The following LRRC7 variants were observed in gnomAD, a reference collection of about 807,000 sequenced individuals.
The protein encoded by LRRC7 is leucine rich repeat containing 7.
A neutral mutation model predicts 175.7 loss-of-function variants in LRRC7; 23 were observed. The observed-to-expected ratio is 0.13, with a 90% CI of 0.09 to 0.19. LRRC7 has a LOEUF of 0.19. Ranked by LOEUF, LRRC7 falls within the 10% of genes least tolerant of loss-of-function variation. The probability of loss-of-function intolerance (pLI) is 1.00; values close to 1 mark genes in which losing one functional copy is unlikely to be tolerated. For synonymous variants in LRRC7, 685 were observed against 680.9 expected (o/e 1.01, Z -0.09); for missense variants, 1,354 against 1,904.7 (o/e 0.71, Z 5.38).
At chr1:69,722,063 A>G (rs1666418921) in intron 2 of LRRC7, among the ~76,000 whole-genome samples, 2 of 151,960 alleles carry the variant, frequency 1.3e-5, no homozygotes. Flanking sequence ...CCCTCTCTAG[A>G]GAGAATTAAC....
intron 1 of LRRC7, among the ~76,000 whole-genome samples, chr1:69,666,248 G>A (rs1165722338): frequency 6.6e-6 from 1 of 152,150 alleles, no homozygotes; most frequent in Non-Finnish European, 1.5e-5. Context: ...GCAAATGTTT[G>A]CATGAATATT....
At chr1:69,671,399 T>C (rs1659054791) in intron 1 of LRRC7, among the ~76,000 whole-genome samples, 1 of 152,110 alleles carries the variant, frequency 6.6e-6, no homozygotes, top group South Asian at 2.1e-4. Context: ...CTCTTTTCTT[T>C]CCTCTCCTCA....
chr1:69,573,152 A>G (rs1645806391), intron 1 of LRRC7, among the ~76,000 whole-genome samples: 1 of 152,114 alleles, frequency 6.6e-6, no homozygotes, highest in Non-Finnish European at 1.5e-5. Flanking sequence ...CATGATTCTC[A>G]CTGTTTTGAA....
chr1:69,945,359 A>G (rs183413511), intron 8 of LRRC7, among the ~76,000 whole-genome samples: 15 of 152,110 alleles, frequency 9.9e-5, no homozygotes, highest in African/African-American at 3.1e-4. Flanking sequence ...TCATTGGTCT[A>G]TGTGTCTGTT....
intron 1 of LRRC7, among the ~76,000 whole-genome samples, chr1:69,617,890 TA>T (rs1398474478): frequency 6.6e-6 from 1 of 151,962 alleles, no homozygotes. Flanking sequence ...GCCCACAAAC[TA>T]AAAAGAGAAG....
At chr1:69,757,873 CAAATT>C (rs1342701294) in intron 2 of LRRC7, among the ~76,000 whole-genome samples, 3 of 151,736 alleles carry the variant, frequency 2.0e-5, no homozygotes, top group South Asian at 2.1e-4. Context: ...ACTAGATACT[CAAATT>C]AAAAACCTGG....
intron 1 of LRRC7, chr1:69,607,867 C>T (rs1186063833): frequency 6.6e-6 from 1 of 152,122 alleles, no homozygotes; most frequent in Non-Finnish European, 1.5e-5. Context: ...GAATGACATT[C>T]CTTATCCTAG....
intron 7 of LRRC7, among the ~76,000 whole-genome samples, chr1:69,842,451 A>C (rs1681829660): frequency 6.6e-6 from 1 of 152,184 alleles, no homozygotes; most frequent in Non-Finnish European, 1.5e-5. Flanking sequence ...ATGAAGAAAA[A>C]GAAACATAAA....
At chr1:69,721,950 C>A (rs570123842) in intron 2 of LRRC7, among the ~76,000 whole-genome samples, 1 of 151,774 alleles carries the variant, frequency 6.6e-6, no homozygotes, top group African/African-American at 2.4e-5. Context: ...GCAAAAAAAT[C>A]ATCTTTAATA....
chr1:69,968,662 A>G (rs770751964), intron 8 of LRRC7, among the ~76,000 whole-genome samples: 3 of 152,182 alleles, frequency 2.0e-5, no homozygotes, highest in Non-Finnish European at 4.4e-5. Flanking sequence ...CTCCTCAAAC[A>G]ACACAATTAT....
At chr1:69,975,844 C>G (rs1469705344) in intron 8 of LRRC7, among the ~76,000 whole-genome samples, 2 of 152,018 alleles carry the variant, frequency 1.3e-5, no homozygotes, top group Non-Finnish European at 2.9e-5. Flanking sequence ...TCAGCCCCTC[C>G]CCTTGTGCTG....
chr1:70,107,637 A>G lies in LRRC7; in HGVS notation c.4546-115A>G, dbSNP rs1409466647. On this transcript the variant is annotated intron_variant, in intron 25 of 26. Coordinates refer to ENST00000651989, the MANE Select transcript of LRRC7 (RefSeq NM_001370785.2). Reference sequence around the variant, plus strand: ...TACTATAATATTCTTTGAAGCCTACATGCATAAACTGTTTCTGGATCTGTT... The same window carrying G: ...TACTATAATATTCTTTGAAGCCTACGTGCATAAACTGTTTCTGGATCTGTT... 22 of 692,804 alleles carry G rather than the reference A, an allele frequency of 3.2e-5. No individual in the cohort carries two copies. In the East Asian group the frequency reaches 4.9e-4, roughly 15 times the overall value. 42.9% of individuals were successfully genotyped at this position (692,804 alleles called of 1,614,324 possible). A position where few individuals can be genotyped will look rare whatever the true frequency, so the allele number is the denominator to read the frequency against.
rs769594566 is a variant in LRRC7, at chr1:69,792,027, T to C, written c.304-16T>C. On this transcript the variant is annotated splice_polypyrimidine_tract_variant and intron_variant, in intron 3 of 26. Coordinates refer to ENST00000651989, the MANE Select transcript of LRRC7 (RefSeq NM_001370785.2). ...AACCAAATTGAGATCTAATTAATGA[T>C]TATTTTCTATTACAGCAATTGTTCA... 6 of 1,455,450 alleles carry C rather than the reference T, an allele frequency of 4.1e-6. No homozygotes were observed. The Admixed American group carries it at 1.1e-4, about 26-fold the overall frequency. 90.2% of individuals were successfully genotyped at this position (1,455,450 alleles called of 1,614,324 possible).
chr1:70,020,687 C>T (rs779509057), intron 15 of LRRC7: 12 of 161,822 alleles, frequency 7.4e-5, no homozygotes, highest in East Asian at 1.8e-4. Flanking sequence ...AAAAAGATAA[C>T]GCTTTAAAAT....
At chr1:69,777,839 A>G (rs923566119) in intron 3 of LRRC7, among the ~76,000 whole-genome samples, 3 of 152,196 alleles carry the variant, frequency 2.0e-5, no homozygotes, top group Non-Finnish European at 4.4e-5. Context: ...ACCTTAAACC[A>G]GCCTTTTCCC....
chr1:69,698,526 C>T (rs993916511), intron 2 of LRRC7, among the ~76,000 whole-genome samples: 5 of 152,172 alleles, frequency 3.3e-5, no homozygotes, highest in Admixed American at 2.6e-4. Flanking sequence ...ATCTAGATCT[C>T]CTTTTATTAT....
rs145302811 is a variant in LRRC7 at position 69,796,667 on chromosome 1, G to A, written c.421+4507G>A. ...AAATTAGCCAGGCATGGTGGCACACGCCTATAATCCCATCTACTTGGGAGG... is the reference window on the plus strand; with the variant it reads ...AAATTAGCCAGGCATGGTGGCACACACCTATAATCCCATCTACTTGGGAGG... On this transcript the variant is annotated intron_variant, in intron 4 of 26. Coordinates refer to ENST00000651989, the MANE Select transcript of LRRC7 (RefSeq NM_001370785.2). Among the ~76,000 whole-genome samples, 530 of 152,086 alleles carry A rather than the reference G, an allele frequency of 3.5e-3. 4 individuals are homozygous for A. The highest frequency in any genetic ancestry group is 5.3e-3 in the Non-Finnish European group (360 of 67,984).
chr1:70,070,729 A>G (rs1662318574), intron 23 of LRRC7, among the ~76,000 whole-genome samples: 1 of 152,124 alleles, frequency 6.6e-6, no homozygotes, highest in Non-Finnish European at 1.5e-5. Context: ...TGGAAGTTTC[A>G]TCTCCCCACA....
chr1:69,712,104 G>A (rs751024090), intron 2 of LRRC7, among the ~76,000 whole-genome samples: 5 of 152,000 alleles, frequency 3.3e-5, no homozygotes, highest in Non-Finnish European at 1.5e-5. Context: ...CCTTTCAAAA[G>A]GCTTTCAAAC....
Sources: allele counts gnomAD v4.1 joint callset (sites outside exome capture counted in the v4.1 genomes callset), GRCh38; gene constraint gnomAD v4.1.1; transcripts MANE v1.5; gene names NCBI Gene and HGNC (gene_info 2026-07-23, HGNC 2026-07-21).